ITSN1: variants seen among roughly 807,000 people sequenced by gnomAD.
The protein encoded by ITSN1 is intersectin-1.
A neutral mutation model predicts 239.8 loss-of-function variants in ITSN1; 58 were observed. The observed-to-expected ratio is 0.24, with a 90% CI of 0.20 to 0.30. The LOEUF (loss-of-function observed/expected upper bound fraction) is 0.30. Ranked by LOEUF, ITSN1 falls within the 10% of genes least tolerant of loss-of-function variation. ITSN1 has a pLI of 1.00. For missense variants in ITSN1, 1,558 were observed against 2,103.3 expected, an observed-to-expected ratio of 0.74 and a Z score of 5.07; for synonymous variants, 780 against 770.8, an observed-to-expected ratio of 1.01 and a Z score of -0.20.
intron 1 of ITSN1, among the ~76,000 whole-genome samples, chr21:33,690,617 C>G (rs1459010857): frequency 6.8e-6 from 1 of 147,236 alleles, no homozygotes; most frequent in East Asian, 2.0e-4. Flanking sequence ...AAAAATTAGC[C>G]AGGCATGGTG....
rs552840786 is a variant in ITSN1, at chr21:33,682,364, C to T, written c.-32-36433C>T. ...CCTAGTAGCTGGGATTACAGGCATG[C>T]GCCACCACGCCCGGCTAATTTTGTA... On this transcript the variant is annotated intron_variant, in intron 1 of 39. Transcript: ENST00000381318. Among the ~76,000 whole-genome samples, 435 of 151,940 alleles carry T rather than the reference C, an allele frequency of 2.9e-3. 4 individuals are homozygous for T. Among genetic ancestry groups the T allele is most frequent in the Non-Finnish European group, 5.4e-3 (368 of 67,944 alleles).
chr21:33,679,612 A>G (rs975543231), intron 1 of ITSN1, among the ~76,000 whole-genome samples: 3 of 152,086 alleles, frequency 2.0e-5, no homozygotes, highest in Non-Finnish European at 4.4e-5. Context: ...TAGGAAAATA[A>G]AATTTATCGT....
chr21:33,869,307 G>T (rs1299210972), intron 33 of ITSN1, among the ~76,000 whole-genome samples: 2 of 152,164 alleles, frequency 1.3e-5, no homozygotes, highest in Non-Finnish European at 2.9e-5. Context: ...TCACATAATG[G>T]CAAGAAGGAG....
chr21:33,790,263 CTTATT>C (rs1411331403), intron 16 of ITSN1, among the ~76,000 whole-genome samples: 1 of 151,476 alleles, frequency 6.6e-6, no homozygotes, highest in Non-Finnish European at 1.5e-5. Flanking sequence ...TTAAAAAAAA[CTTATT>C]TTAATATTTA....
chr21:33,699,427 AC>A (rs2091918985), intron 1 of ITSN1, among the ~76,000 whole-genome samples: 1 of 152,210 alleles, frequency 6.6e-6, no homozygotes, highest in African/African-American at 2.4e-5. Context: ...TTAGAAATAG[AC>A]CTGTTAAAAT....
chr21:33,731,699 A>T (rs2066196283), intron 4 of ITSN1, among the ~76,000 whole-genome samples: 1 of 152,248 alleles, frequency 6.6e-6, no homozygotes, highest in Non-Finnish European at 1.5e-5. Context: ...GATAAAAGGA[A>T]GAAGAAAACT....
chr21:33,766,158 A>G (rs764370155), intron 10 of ITSN1, 146 bp downstream of exon 10: 29 of 804,002 alleles, frequency 3.6e-5, no homozygotes, highest in Admixed American at 5.5e-5. Flanking sequence ...ATCTAGGTCT[A>G]TGTTAATCTT....
intron 1 of ITSN1, among the ~76,000 whole-genome samples, chr21:33,657,143 A>G (rs185015896): frequency 7.4e-4 from 112 of 152,344 alleles, no homozygotes; most frequent in African/African-American, 2.6e-3. Flanking sequence ...AGTAGTGAAC[A>G]TAGCACCAGA....
chr21:33,752,824 TAAA>T (rs374308030), intron 7 of ITSN1, among the ~76,000 whole-genome samples: 1 of 127,220 alleles, frequency 7.9e-6, no homozygotes, highest in Non-Finnish European at 1.8e-5. Context: ...TGAGCCTGCC[TAAA>T]AAAAAAAAAA....
intron 9 of ITSN1, 80 bp downstream of exon 9, chr21:33,762,066 T>C: frequency 1.0e-6 from 1 of 983,674 alleles, no homozygotes; most frequent in Middle Eastern, 2.2e-4. Flanking sequence ...TTTAGATTAA[T>C]ACCGTTTTTT....
rs1324147898 is a variant in ITSN1, at chr21:33,772,086, GA to G, written c.1070del (p.Asn357ThrfsTer63). The G allele has an allele frequency of 6.2e-7, 1 of 1,614,218 alleles. No individual in the cohort carries two copies. The highest frequency in any genetic ancestry group is 8.5e-7 in the Non-Finnish European group (1 of 1,180,044). The part of the protein sequence containing the change: ...PVTFEDKKRE[N>X]FERGNLELEK... ...TAACGTTTGAAGATAAGAAGCGGGA[GA>G]ACTTTGAACGTGGCAACCTGGAACT... On this transcript the variant is annotated frameshift_variant, in exon 12 of 40. Coordinates refer to ENST00000381318, the MANE Select transcript of ITSN1 (RefSeq NM_003024.3). LOFTEE classifies it high-confidence loss of function.
At position 33,894,121 on chromosome 21, in the gene ITSN1, G is replaced by C. The variant is rs2148588583; in HGVS notation, c.*5821G>C. ...GGTGGCATTCAAGCAAGCCTAATTG[G>C]ATTAGGTTGGTGCAAAAGTGATTGC... On this transcript the variant is annotated 3_prime_UTR_variant, in exon 40 of 40. Coordinates refer to ENST00000381318, the MANE Select transcript of ITSN1 (RefSeq NM_003024.3). 6.6e-6 allele frequency: 1 copy of C among 152,328 alleles called. No homozygotes were observed. Among genetic ancestry groups the C allele is most frequent in the East Asian group, 1.9e-4 (1 of 5,192 alleles). The allele number at this position is 152,328 out of a possible 1,614,324, so 9.4% of individuals were successfully genotyped here.
At position 33,767,703 on chromosome 21, in the gene ITSN1, G is replaced by T; in HGVS notation, c.927-10G>T. On this transcript the variant is annotated splice_polypyrimidine_tract_variant and intron_variant, in intron 10 of 39. Coordinates refer to ENST00000381318, the MANE Select transcript of ITSN1 (RefSeq NM_003024.3). Reference sequence around the variant, plus strand: ...TGTGAATCTATTTTTCTTTTTCCCCGCAATTGCAGAAGAGTTCGATCTGGC... The same window carrying T: ...TGTGAATCTATTTTTCTTTTTCCCCTCAATTGCAGAAGAGTTCGATCTGGC... 1 of 1,518,532 alleles carries T rather than the reference G, an allele frequency of 6.6e-7. No individual in the cohort carries two copies. The highest frequency in any genetic ancestry group is 9.0e-7 in the Non-Finnish European group (1 of 1,104,990). 94.1% of individuals were successfully genotyped at this position (1,518,532 alleles called of 1,614,324 possible).
chr21:33,767,542 A>G (rs904650828), intron 10 of ITSN1, among the ~76,000 whole-genome samples, 171 bp from the exon 11 acceptor site: 2 of 152,238 alleles, frequency 1.3e-5, no homozygotes, highest in Admixed American at 6.5e-5. Context: ...TCCAATATTC[A>G]TTAAAAAACT....
chr21:33,721,309 T>G (rs1210492351), intron 3 of ITSN1, 39 bp downstream of exon 3: 1 of 1,252,058 alleles, frequency 8.0e-7, no homozygotes, highest in Non-Finnish European at 1.2e-6. Flanking sequence ...TACTTATCAG[T>G]AGTGCAGATG....
Position 33,774,883 on chromosome 21 carries a change from G to A in ITSN1, c.1455+5G>A. The A allele has an allele frequency of 6.2e-7, 1 of 1,609,028 alleles. No homozygotes were observed. ...GAATTTGAATTAGAAGCTCTAGTGAGTGAAGTTTGGTTATACTTTGAAAAT... is the reference window on the plus strand; with the variant it reads ...GAATTTGAATTAGAAGCTCTAGTGAATGAAGTTTGGTTATACTTTGAAAAT... On this transcript the variant is annotated splice_donor_5th_base_variant and intron_variant, in intron 13 of 39. Coordinates refer to ENST00000381318, the MANE Select transcript of ITSN1 (RefSeq NM_003024.3).
chr21:33,796,000 G>T (rs1364085259), intron 17 of ITSN1, among the ~76,000 whole-genome samples: 1 of 138,668 alleles, frequency 7.2e-6, no homozygotes, highest in Admixed American at 7.8e-5. Context: ...GTCTCGCTCT[G>T]TCACCCAGGC....
intron 26 of ITSN1, 34 bp downstream of exon 26, chr21:33,826,897 G>A (rs2148334841): frequency 1.3e-6 from 2 of 1,566,210 alleles, no homozygotes; most frequent in East Asian, 2.2e-5. Flanking sequence ...ACTTTTCAAT[G>A]TTTTGAATGT....
intron 33 of ITSN1, among the ~76,000 whole-genome samples, chr21:33,871,726 C>T (rs999847565): frequency 2.9e-4 from 42 of 146,914 alleles, no homozygotes; most frequent in African/African-American, 1.0e-3. Flanking sequence ...GGCGACAGAG[C>T]GAGACTCAGT....
Sources: allele counts gnomAD v4.1 joint callset (sites outside exome capture counted in the v4.1 genomes callset), GRCh38; gene constraint gnomAD v4.1.1; transcripts MANE v1.5; gene names NCBI Gene and HGNC (gene_info 2026-07-23, HGNC 2026-07-21).